The following EPB41L2 variants were observed in gnomAD, a reference collection of about 807,000 sequenced individuals.
EPB41L2 encodes the protein band 4.1-like protein 2.
In EPB41L2, 43 loss-of-function variants were observed where a neutral mutation model predicts 113.0. The ratio of observed to expected loss-of-function variants is 0.38; its 90% confidence interval spans 0.30 to 0.49. EPB41L2 has a LOEUF of 0.49. EPB41L2 is among the 20% of genes least tolerant of loss of function. The pLI is 0.95. For missense variants in EPB41L2, 1,147 were observed against 1,223.4 expected, an observed-to-expected ratio of 0.94 and a Z score of 0.93; for synonymous variants, 442 against 436.7, an observed-to-expected ratio of 1.01 and a Z score of -0.15.
At chr6:130,890,260 G>C (rs369660617) in intron 11 of EPB41L2, 34 bp downstream of exon 11, 38 of 1,582,610 alleles carry the variant, frequency 2.4e-5, no homozygotes, top group Non-Finnish European at 3.0e-5. Flanking sequence ...AGAGAAAGAT[G>C]AATGAAAATC....
chr6:130,843,133 G>A (rs1776019964), intron 19 of EPB41L2, among the ~76,000 whole-genome samples: 4 of 152,200 alleles, frequency 2.6e-5, no homozygotes, highest in South Asian at 2.1e-4. Flanking sequence ...TTTTTTGACT[G>A]TTTCTTGCAC....
At chr6:130,960,569 T>C (rs1382644147) in intron 1 of EPB41L2, among the ~76,000 whole-genome samples, 6 of 152,124 alleles carry the variant, frequency 3.9e-5, no homozygotes, top group Admixed American at 3.9e-4. Flanking sequence ...ATGATCAGTG[T>C]CACCCATCCA....
intron 1 of EPB41L2, among the ~76,000 whole-genome samples, chr6:131,057,744 A>C (rs1797865265): frequency 6.6e-6 from 1 of 152,208 alleles, no homozygotes; most frequent in Admixed American, 6.5e-5. Flanking sequence ...AAATTCTTTC[A>C]TGAAGGTTGA....
At chr6:130,958,826 G>A (rs1818386655) in intron 1 of EPB41L2, among the ~76,000 whole-genome samples, 1 of 152,238 alleles carries the variant, frequency 6.6e-6, no homozygotes, top group Admixed American at 6.5e-5. Flanking sequence ...TAAAGGCAAT[G>A]TGGGGGTTAT....
intron 1 of EPB41L2, among the ~76,000 whole-genome samples, chr6:131,016,477 AACACACACAC>A (rs10584309): frequency 0.067 from 9,659 of 143,498 alleles, 697 homozygotes; most frequent in African/African-American, 0.18. Flanking sequence ...TTAATAAGGA[AACACACACAC>A]ACACACACAC....
At chr6:130,897,424 C>A (rs961005368) in intron 8 of EPB41L2, among the ~76,000 whole-genome samples, 1 of 152,126 alleles carries the variant, frequency 6.6e-6, no homozygotes, top group East Asian at 1.9e-4. Flanking sequence ...TAGTGTTCTG[C>A]TCCTAACTAC....
chr6:131,008,650 G>A (rs1276206602), intron 1 of EPB41L2, among the ~76,000 whole-genome samples: 3 of 152,236 alleles, frequency 2.0e-5, no homozygotes, highest in Non-Finnish European at 4.4e-5. Flanking sequence ...CGGGAGTGGG[G>A]CTGTACCCTG....
At chr6:130,865,669 C>T in intron 16 of EPB41L2, 35 bp from the exon 17 acceptor site, 2 of 1,598,020 alleles carry the variant, frequency 1.3e-6, no homozygotes, top group Non-Finnish European at 1.7e-6. Context: ...CAAAGTAATG[C>T]TTAACTTCTG....
chr6:130,898,035 A>G (rs538277000), intron 8 of EPB41L2, among the ~76,000 whole-genome samples: 2 of 151,908 alleles, frequency 1.3e-5, no homozygotes, highest in African/African-American at 4.8e-5. Flanking sequence ...AAAAAAACTA[A>G]CAAAAATGAT....
intron 19 of EPB41L2, among the ~76,000 whole-genome samples, chr6:130,849,570 A>G (rs1778153248): frequency 6.6e-6 from 1 of 152,170 alleles, no homozygotes; most frequent in African/African-American, 2.4e-5. Context: ...TAAGTAAACC[A>G]TCATGCGTCC....
chr6:130,899,192 G>A (rs903622708), intron 8 of EPB41L2, among the ~76,000 whole-genome samples: 4 of 151,210 alleles, frequency 2.6e-5, no homozygotes, highest in South Asian at 2.1e-4. Flanking sequence ...AAGCTGCAAT[G>A]CAAAATAAAC....
At chr6:130,873,362 GA>G (rs1320950191) in intron 14 of EPB41L2, among the ~76,000 whole-genome samples, 1 of 152,070 alleles carries the variant, frequency 6.6e-6, no homozygotes, top group African/African-American at 2.4e-5. Context: ...AGGGACAGCA[GA>G]ACTGTCCTTA....
intron 4 of EPB41L2, among the ~76,000 whole-genome samples, chr6:130,912,095 T>C (rs2128518759): frequency 6.6e-6 from 1 of 152,114 alleles, no homozygotes; most frequent in Non-Finnish European, 1.5e-5. Context: ...GGCTGCACAC[T>C]CCTTATGAGA....
intron 1 of EPB41L2, among the ~76,000 whole-genome samples, chr6:131,031,073 C>T (rs1015696004): frequency 1.3e-5 from 2 of 151,240 alleles, no homozygotes; most frequent in South Asian, 2.1e-4. Flanking sequence ...GTCTGGGCAA[C>T]GGAGGGAGAG....
chr6:130,872,866 C>T (rs1318027126), intron 14 of EPB41L2, among the ~76,000 whole-genome samples: 2 of 152,128 alleles, frequency 1.3e-5, no homozygotes, highest in Non-Finnish European at 2.9e-5. Context: ...TTTCTCTGCA[C>T]GGAATGGCCT....
rs1008266451 is a variant in EPB41L2, at chr6:130,894,287, TG to T, written c.1487+56del. 2.6e-5 allele frequency: 37 copies of T among 1,401,260 alleles called. No homozygotes were observed. In the Middle Eastern group the frequency reaches 2.0e-3, roughly 77 times the overall value. 86.8% of individuals were successfully genotyped at this position (1,401,260 alleles called of 1,614,324 possible). A position where few individuals can be genotyped will look rare whatever the true frequency, so the allele number is the denominator to read the frequency against. ...CTCCCACCTCTGCCTCCTGAGTCAG[TG>T]GAATTACAGGCATGTGCGATCATGC... On this transcript the variant is annotated intron_variant, in intron 10 of 19. Coordinates refer to ENST00000337057, the MANE Select transcript of EPB41L2 (RefSeq NM_001431.4).
intron 3 of EPB41L2, among the ~76,000 whole-genome samples, chr6:130,945,515 A>T (rs1378383970): frequency 6.6e-6 from 1 of 152,204 alleles, no homozygotes; most frequent in Non-Finnish European, 1.5e-5. Flanking sequence ...AACATGTGGG[A>T]ACAACTTTGA....
chr6:130,886,369 G>A (rs1790975589), intron 11 of EPB41L2, among the ~76,000 whole-genome samples: 1 of 151,916 alleles, frequency 6.6e-6, no homozygotes, highest in Non-Finnish European at 1.5e-5. Context: ...TCTCATATTT[G>A]CTCCCATTTG....
intron 4 of EPB41L2, among the ~76,000 whole-genome samples, chr6:130,911,735 T>C (rs747832027): frequency 1.5e-4 from 23 of 152,272 alleles, no homozygotes; most frequent in Middle Eastern, 6.8e-3. Context: ...CAATAAAAAA[T>C]TTAGATTTTT....
Sources: gnomAD v4.1 joint callset for allele counts (sites outside exome capture counted in the v4.1 genomes callset) on GRCh38, gnomAD v4.1.1 for gene constraint, MANE v1.5 for transcripts, NCBI Gene and HGNC (gene_info 2026-07-23, HGNC 2026-07-21) for gene names.